The following ATP2B2 variants were observed in gnomAD, a reference collection of about 807,000 sequenced individuals.
ATP2B2 encodes the protein ATPase plasma membrane Ca2+ transporting 2.
ATP2B2 carries 15 observed loss-of-function variants against 120.0 expected under a neutral mutation model. That is an observed-to-expected ratio of 0.12 (90% confidence interval 0.08 to 0.19). The LOEUF is 0.19. Among genes scored for constraint, ATP2B2 ranks in the 10% least tolerant of loss-of-function variants. The pLI, the probability that ATP2B2 is intolerant of heterozygous loss-of-function variation, is 1.00. For synonymous variants in ATP2B2, 694 were observed against 700.3 expected (o/e 0.99, Z 0.14); for missense variants, 1,045 against 1,719.8 (o/e 0.61, Z 6.94).
chr3:10,508,562 G>T (rs557691718), upstream of ATP2B2, among the ~76,000 whole-genome samples: 1 of 152,180 alleles, frequency 6.6e-6, no homozygotes, highest in Non-Finnish European at 1.5e-5. Flanking sequence ...TCAGCAAACC[G>T]AAGCCTCAAG....
Position 10,607,197 on chromosome 3 carries a change from G to T in ATP2B2, c.-415+12720C>A, listed in dbSNP as rs80279767. ...ACTGGCTGTGTGACACTGGCCAGTT[G>T]CTTCTCCTCTCTGATCCACTTGTGT... On this transcript the variant is annotated intron_variant, in intron 2 of 21. Transcript: ENST00000646379. 5.2e-3 allele frequency among the ~76,000 whole-genome samples: 795 copies of T among 152,234 alleles called. 32 individuals are homozygous for T. In the East Asian group the frequency reaches 0.081, roughly 15 times the overall value.
chr3:10,657,131 G>A (rs1013673469), intron 1 of ATP2B2, among the ~76,000 whole-genome samples: 3 of 152,214 alleles, frequency 2.0e-5, no homozygotes, highest in African/African-American at 7.2e-5. Context: ...ATCTTTGGCT[G>A]CTTCTGTTTG....
chr3:10,465,294 C>A (rs1204524186), intron 1 of ATP2B2, among the ~76,000 whole-genome samples: 2 of 152,374 alleles, frequency 1.3e-5, no homozygotes, highest in East Asian at 1.9e-4. Flanking sequence ...CTCTCCTTGT[C>A]CCCAGCAATC....
intron 22 of ATP2B2, among the ~76,000 whole-genome samples, chr3:10,337,759 C>G (rs1682986): frequency 0.18 from 26,735 of 152,030 alleles, 3,567 homozygotes; most frequent in African/African-American, 0.38. Context: ...CTGACCACCA[C>G]GCCCTGGGGG....
At chr3:10,697,134 A>G (rs1175466933) in intron 1 of ATP2B2, among the ~76,000 whole-genome samples, 1 of 152,126 alleles carries the variant, frequency 6.6e-6, no homozygotes, top group Non-Finnish European at 1.5e-5. Context: ...CCTGAATCCT[A>G]TTACAAACAC....
Position 10,338,163 on chromosome 3 carries a change from G to C in ATP2B2, c.3420+13C>G, listed in dbSNP as rs761329372. On this transcript the variant is annotated intron_variant, in intron 22 of 22. Transcript: ENST00000360273. ...GGCCAGGCCTGGGCCCAGCCCCCAA[G>C]AGCCTCCTGTACCTGTGTCTGGATC... is the stretch of plus-strand genomic sequence containing the variant. 6.2e-7 allele frequency: 1 copy of C among 1,613,738 alleles called. No homozygotes were observed. Among genetic ancestry groups the C allele is most frequent in the African/African-American group, 1.3e-5 (1 of 75,032 alleles).
intron 2 of ATP2B2, among the ~76,000 whole-genome samples, chr3:10,534,370 G>T (rs772607922): frequency 3.3e-5 from 5 of 152,242 alleles, no homozygotes; most frequent in Non-Finnish European, 5.9e-5. Context: ...CTGCTGGCAG[G>T]GGTCTCTCTG....
At chr3:10,439,296 A>G (rs2063577266) in intron 2 of ATP2B2, among the ~76,000 whole-genome samples, 1 of 152,206 alleles carries the variant, frequency 6.6e-6, no homozygotes, top group Non-Finnish European at 1.5e-5. Context: ...TTTATTTTCC[A>G]GATGGGGAGG....
At chr3:10,641,096 A>C (rs4273356) in intron 1 of ATP2B2, among the ~76,000 whole-genome samples, 152,333 of 152,334 alleles carry the variant, frequency 1, 76,166 homozygotes, top group Non-Finnish European at 1. Context: ...ACCTTGGGAC[A>C]ACAATTGAAT....
intron 2 of ATP2B2, among the ~76,000 whole-genome samples, chr3:10,618,180 G>A (rs1032449601): frequency 6.6e-6 from 1 of 152,192 alleles, no homozygotes; most frequent in Non-Finnish European, 1.5e-5. Context: ...GAAGTCAGAT[G>A]GACTGGGTTC....
intron 1 of ATP2B2, chr3:10,626,689 A>G (rs2069711854): frequency 6.6e-6 from 1 of 152,112 alleles, no homozygotes; most frequent in Non-Finnish European, 1.5e-5. Flanking sequence ...GGATGAGTGA[A>G]TAAATGGATG....
chr3:10,415,960 C>A (rs1159612229), intron 2 of ATP2B2, among the ~76,000 whole-genome samples: 1 of 152,188 alleles, frequency 6.6e-6, no homozygotes, highest in Non-Finnish European at 1.5e-5. Flanking sequence ...TGTGAGTGAG[C>A]TTGGGCCAGT....
chr3:10,625,963 T>C (rs1267808829), intron 1 of ATP2B2: 2 of 152,240 alleles, frequency 1.3e-5, no homozygotes, highest in Admixed American at 6.5e-5. Context: ...ATTGTTACTT[T>C]CTATTTATGA....
Position 10,359,886 on chromosome 3 carries a change from T to G in ATP2B2, c.1897A>C (p.Lys633Gln). 2 of 1,614,196 alleles carry G rather than the reference T, an allele frequency of 1.2e-6. No homozygotes were observed. The highest frequency in any genetic ancestry group is 8.5e-7 in the Non-Finnish European group (1 of 1,180,024). The change falls in exon 13 of 23, where the codon AAG (lysine) becomes CAG (glutamine). Residue 633 changes from lysine to glutamine, a missense_variant. Lys to Gln is a moderately conservative substitution (Grantham distance 53, BLOSUM62 1). This residue lies in a region of ATP2B2 where 343 missense variants were observed against 536.8 expected (regional missense o/e 0.64). Transcript: ENST00000360273. ...YSKGASEIVL[K>Q]KCCKILNGAG... Reference sequence around the variant, plus strand: ...GGTGCCCTGCCCAGCGCTTACTTCTTGAGCACGATCTCAGAAGCCCCCTTG... The same window carrying G: ...GGTGCCCTGCCCAGCGCTTACTTCTGGAGCACGATCTCAGAAGCCCCCTTG...
chr3:10,365,244 T>G (rs2061010011), intron 12 of ATP2B2, among the ~76,000 whole-genome samples: 1 of 152,214 alleles, frequency 6.6e-6, no homozygotes, highest in Admixed American at 6.5e-5. Context: ...GTTGGCCTCA[T>G]TCATGCCCAC....
At chr3:10,379,036 T>TG (rs1220869654) in intron 9 of ATP2B2, among the ~76,000 whole-genome samples, 1 of 152,184 alleles carries the variant, frequency 6.6e-6, no homozygotes, top group Non-Finnish European at 1.5e-5. Context: ...TGCTGGCCCA[T>TG]GGGTATCCCC....
At chr3:10,642,692 A>AC (rs1329210551) in intron 1 of ATP2B2, among the ~76,000 whole-genome samples, 1 of 152,068 alleles carries the variant, frequency 6.6e-6, no homozygotes, top group East Asian at 1.9e-4. Context: ...TAGCTAAAAA[A>AC]AAAAAAAAGG....
intron 1 of ATP2B2, among the ~76,000 whole-genome samples, chr3:10,491,073 C>T (rs1169215769): frequency 6.6e-6 from 1 of 152,106 alleles, no homozygotes; most frequent in Non-Finnish European, 1.5e-5. Flanking sequence ...AGAGTCCCTG[C>T]CCTTGCTCTG....
At chr3:10,463,989 C>A (rs929400939) in intron 1 of ATP2B2, among the ~76,000 whole-genome samples, 2 of 152,154 alleles carry the variant, frequency 1.3e-5, no homozygotes, top group African/African-American at 4.8e-5. Context: ...CAGAGCTGCC[C>A]CACTGGCAGC....
Sources: gnomAD v4.1 joint callset for allele counts (sites outside exome capture counted in the v4.1 genomes callset) on GRCh38, gnomAD v4.1.1 for gene constraint, gnomAD v4.1.1 regional missense constraint, MANE v1.5 for transcripts, NCBI Gene and HGNC (gene_info 2026-07-23, HGNC 2026-07-21) for gene names.